JPH3: variants seen among roughly 807,000 people sequenced by gnomAD.
JPH3 encodes the protein junctophilin 3, also known as junctophilin-3.
Under a neutral mutation model 59.6 loss-of-function variants are expected in JPH3, and 11 were observed. The observed-to-expected ratio is 0.18, with a 90% confidence interval of 0.12 to 0.31. The LOEUF is 0.31. Ranked by LOEUF, JPH3 falls within the 10% of genes least tolerant of loss-of-function variation. JPH3 has a pLI of 1.00. For synonymous variants in JPH3, 673 were observed against 483.6 expected (o/e 1.39, Z -5.14); for missense variants, 1,202 against 1,105.7 (o/e 1.09, Z -1.24).
intron 2 of JPH3, among the ~76,000 whole-genome samples, chr16:87,681,748 C>A (rs1375919242): frequency 1.3e-5 from 2 of 152,140 alleles, no homozygotes; most frequent in African/African-American, 4.8e-5. Flanking sequence ...CAGAAGGTGT[C>A]CCCGGGGCAG....
intron 1 of JPH3, among the ~76,000 whole-genome samples, chr16:87,619,897 G>C (rs1254636410): frequency 2.6e-5 from 4 of 152,148 alleles, no homozygotes; most frequent in African/African-American, 9.7e-5. Flanking sequence ...CTGGTGAGCG[G>C]GTTGGGGAGG....
intron 1 of JPH3, among the ~76,000 whole-genome samples, chr16:87,605,948 A>G (rs2030502807): frequency 6.6e-6 from 1 of 152,218 alleles, no homozygotes; most frequent in Non-Finnish European, 1.5e-5. Context: ...GGTTGGCAAC[A>G]TGGCATGACA....
At chr16:87,650,679 G>T (rs546754384) in intron 2 of JPH3, among the ~76,000 whole-genome samples, 1 of 152,356 alleles carries the variant, frequency 6.6e-6, no homozygotes, top group African/African-American at 2.4e-5. Context: ...CTGATATGGA[G>T]AAAATTTTAG....
At chr16:87,603,607 A>C in intron 1 of JPH3, 79 bp downstream of exon 1, 1 of 1,468,042 alleles carries the variant, frequency 6.8e-7, no homozygotes, top group South Asian at 1.4e-5. Context: ...TCTCTGGGGA[A>C]GTTGAGCTGC....
At chr16:87,639,882 G>A (rs900441839) in intron 1 of JPH3, among the ~76,000 whole-genome samples, 2 of 152,230 alleles carry the variant, frequency 1.3e-5, no homozygotes, top group Admixed American at 6.5e-5. Context: ...ACTGCATGGG[G>A]GGACCACGTC....
intron 2 of JPH3, among the ~76,000 whole-genome samples, chr16:87,673,016 C>T (rs145584677): frequency 1.3e-3 from 195 of 152,134 alleles, no homozygotes; most frequent in Non-Finnish European, 2.3e-3. Flanking sequence ...CGTGGTAGCA[C>T]GTGCACGTAA....
upstream of JPH3, among the ~76,000 whole-genome samples, chr16:87,602,431 C>CGGGGGGCGGGGGGCGGGGGGCGGGGGCG (rs1417599117): frequency 1.5e-4 from 2 of 13,296 alleles, no homozygotes; most frequent in Non-Finnish European, 2.0e-4. Context: ...GGGGCGGGGG[C>CGGGGGGCGGGGGGCGGGGGGCGGGGGCG]GGGGGCGGGG....
intron 2 of JPH3, among the ~76,000 whole-genome samples, chr16:87,662,072 C>T (rs1269712484): frequency 1.3e-5 from 2 of 152,196 alleles, no homozygotes; most frequent in African/African-American, 4.8e-5. Flanking sequence ...CTTGGTTTCC[C>T]TTGTAACCCC....
At chr16:87,664,099 A>G (rs894429270) in intron 2 of JPH3, among the ~76,000 whole-genome samples, 5 of 152,106 alleles carry the variant, frequency 3.3e-5, no homozygotes, top group African/African-American at 1.2e-4. Context: ...TGGGAGGCCG[A>G]GGCGGGTGGA....
intron 1 of JPH3, among the ~76,000 whole-genome samples, chr16:87,622,838 G>A (rs1030466346): frequency 6.6e-6 from 1 of 152,148 alleles, no homozygotes; most frequent in African/African-American, 2.4e-5. Flanking sequence ...GGGAGGTGGT[G>A]TAGCCAGTGC....
At chr16:87,679,248 T>C (rs1161378983) in intron 2 of JPH3, among the ~76,000 whole-genome samples, 2 of 151,954 alleles carry the variant, frequency 1.3e-5, no homozygotes, top group Non-Finnish European at 2.9e-5. Context: ...TCTCTCTTTC[T>C]TTCTTTAAAA....
intron 2 of JPH3, among the ~76,000 whole-genome samples, chr16:87,671,537 A>G (rs1275072417): frequency 6.6e-6 from 1 of 152,136 alleles, no homozygotes; most frequent in Non-Finnish European, 1.5e-5. Flanking sequence ...GGTGACCACC[A>G]GGCCCTAATA....
At chr16:87,657,241 C>T (rs954548106) in intron 2 of JPH3, among the ~76,000 whole-genome samples, 1 of 152,202 alleles carries the variant, frequency 6.6e-6, no homozygotes, top group Non-Finnish European at 1.5e-5. Context: ...AAAACAGTAT[C>T]TTAAGGTCTG....
chr16:87,694,409 C>T (rs1321753830), intron 4 of JPH3: 2 of 152,216 alleles, frequency 1.3e-5, no homozygotes, highest in Non-Finnish European at 2.9e-5. Flanking sequence ...AAAAGGGTCC[C>T]CGGGCCAGAC....
rs35084631 is a variant in JPH3, at chr16:87,644,928, C to T, written c.1053C>T (p.Leu351=). 1.7e-4 allele frequency: 267 copies of T among 1,612,692 alleles called. No individual in the cohort carries two copies. In the African/African-American group the frequency reaches 3.1e-3, roughly 18 times the overall value. ...TCGTCGGCGGCAAGCGCAAGAACCT[C>T]ATCCCCCTGCGGGCCAGCAAGATCC... ...NILVGGKRKN[L]IPLRASKIRE... The change falls in exon 2 of 5, where the codon CTC becomes CTT. Residue 351 remains leucine (L), a synonymous_variant. Transcript: ENST00000284262.
chr16:87,697,083 G>C lies in JPH3; in HGVS notation c.*423G>C, dbSNP rs1021881134. 2 of 266,922 alleles carry C rather than the reference G, an allele frequency of 7.5e-6. No individual in the cohort carries two copies. The highest frequency in any genetic ancestry group is 1.5e-5 in the Non-Finnish European group (2 of 136,490). 16.5% of individuals were successfully genotyped at this position (266,922 alleles called of 1,614,324 possible). A position where few individuals can be genotyped will look rare whatever the true frequency, so the allele number is the denominator to read the frequency against. The stretch of plus-strand genomic sequence containing the variant: ...TGGCAGGGCTGACTCCCGTCGACAC[G>C]AGCTTAGAAAGTGGATTCACTGCTT... On this transcript the variant is annotated 3_prime_UTR_variant, in exon 5 of 5. Coordinates refer to ENST00000284262, the MANE Select transcript of JPH3 (RefSeq NM_020655.4).
At chr16:87,641,815 G>A (rs372437246) in intron 1 of JPH3, among the ~76,000 whole-genome samples, 179 of 152,378 alleles carry the variant, frequency 1.2e-3, no homozygotes, top group East Asian at 9.7e-4. Context: ...CACATGGGGC[G>A]TGAGGGGCCT....
At chr16:87,684,513 C>T (rs28458966) in intron 3 of JPH3, 35,737 of 519,330 alleles carry the variant, frequency 0.069, 2,026 homozygotes, top group African/African-American at 0.21. Flanking sequence ...CTTGGGGCAC[C>T]GCGTGTTGCT....
At chr16:87,640,415 G>T (rs1049254243) in intron 1 of JPH3, among the ~76,000 whole-genome samples, 1 of 151,048 alleles carries the variant, frequency 6.6e-6, no homozygotes, top group Non-Finnish European at 1.5e-5. Flanking sequence ...TTTAGAGACA[G>T]AGTCTTGCTC....
Sources: allele counts gnomAD v4.1 joint callset (sites outside exome capture counted in the v4.1 genomes callset), GRCh38; gene constraint gnomAD v4.1.1; transcripts MANE v1.5; gene names NCBI Gene and HGNC (gene_info 2026-07-23, HGNC 2026-07-21).